Variants in ANKRD29 observed in about 807,000 individuals in gnomAD.
ANKRD29 encodes ankyrin repeat domain-containing protein 29.
In ANKRD29, 32 loss-of-function variants were observed where a neutral mutation model predicts 38.0. The observed-to-expected ratio is 0.84, with a 90% CI of 0.64 to 1.13. The LOEUF (loss-of-function observed/expected upper bound fraction) is 1.13. ANKRD29 is among the 50% of genes most tolerant of loss of function. The pLI is 0.00. For synonymous variants in ANKRD29, 135 were observed against 152.4 expected (o/e 0.89, Z 0.84); for missense variants, 357 against 377.9 (o/e 0.94, Z 0.46).
rs2060130357 is a variant in ANKRD29 at position 23,645,713 on chromosome 18, C to G, written c.231+476G>C. Among the ~76,000 whole-genome samples the G allele has an allele frequency of 2.6e-5, 4 of 152,198 alleles. No individual in the cohort carries two copies. The South Asian group carries it at 8.3e-4, about 32-fold the overall frequency. ...TTTTGTCCAGTGTTGACCCATACGGCTTTTTCCAGGAGAGCTTATTTAATT... is the reference window on the plus strand; with the variant it reads ...TTTTGTCCAGTGTTGACCCATACGGGTTTTTCCAGGAGAGCTTATTTAATT... On this transcript the variant is annotated intron_variant, in intron 3 of 9. Transcript: ENST00000592179.
intron 2 of ANKRD29, chr18:23,646,876 G>A (rs1267064552): frequency 1.3e-5 from 2 of 152,532 alleles, no homozygotes; most frequent in African/African-American, 4.8e-5. Context: ...GGTTGGATGG[G>A]ATGATCACCA....
At chr18:23,606,924 G>C (rs981074424) in intron 9 of ANKRD29, among the ~76,000 whole-genome samples, 6 of 152,196 alleles carry the variant, frequency 3.9e-5, no homozygotes, top group Non-Finnish European at 8.8e-5. Context: ...GCGGCAGGCA[G>C]TATCGGGGAT....
At position 23,621,441 on chromosome 18, in the gene ANKRD29, G is replaced by C. The variant is rs549680429; in HGVS notation, c.529-1812C>G. Among the ~76,000 whole-genome samples, 685 of 151,096 alleles carry C rather than the reference G, an allele frequency of 4.5e-3. 8 individuals are homozygous for C. The highest frequency in any genetic ancestry group is 0.016 in the African/African-American group (665 of 41,436). On this transcript the variant is annotated intron_variant, in intron 6 of 9. Transcript: ENST00000592179. ...GCTGAAGAGCAGTCACAGGATGTTG[G>C]GACCTGTCTTGGGAGAGACAGTGGA...
chr18:23,631,528 G>A (rs1285362982), intron 5 of ANKRD29, among the ~76,000 whole-genome samples: 1 of 152,068 alleles, frequency 6.6e-6, no homozygotes, highest in Non-Finnish European at 1.5e-5. Flanking sequence ...TTACAGGCAT[G>A]AGCCACCATA....
chr18:23,655,045 T>A (rs571016539), intron 1 of ANKRD29, among the ~76,000 whole-genome samples: 23 of 152,338 alleles, frequency 1.5e-4, no homozygotes, highest in African/African-American at 4.8e-4. Context: ...TAGTGATGGA[T>A]TGCAAAGCTA....
chr18:23,640,642 A>G (rs1228087435), intron 3 of ANKRD29, among the ~76,000 whole-genome samples: 4 of 152,206 alleles, frequency 2.6e-5, no homozygotes, highest in Non-Finnish European at 4.4e-5. Flanking sequence ...AGTTTTTAGC[A>G]TCCTCCCTTC....
At chr18:23,662,673 C>G in intron 1 of ANKRD29, 37 bp downstream of exon 1, 1 of 1,432,884 alleles carries the variant, frequency 7.0e-7, no homozygotes, top group Non-Finnish European at 9.1e-7. Flanking sequence ...CGCCCGAGCC[C>G]GGCCCCAGCC....
chr18:23,656,100 A>G (rs976086202), intron 1 of ANKRD29, among the ~76,000 whole-genome samples: 1 of 151,614 alleles, frequency 6.6e-6, no homozygotes, highest in Admixed American at 6.6e-5. Context: ...CTCAAAAAAA[A>G]AAAAAAAAAA....
chr18:23,623,728 C>T (rs934731568), intron 6 of ANKRD29, among the ~76,000 whole-genome samples: 24 of 151,952 alleles, frequency 1.6e-4, no homozygotes, highest in African/African-American at 3.1e-4. Flanking sequence ...CTGCAAGCTC[C>T]GCCTCCCGGG....
chr18:23,662,845 C>T lies in ANKRD29; in HGVS notation c.-115G>A. 1 of 974,690 alleles carries T rather than the reference C, an allele frequency of 1.0e-6. No individual in the cohort carries two copies. The highest frequency in any genetic ancestry group is 4.8e-5 in the South Asian group (1 of 20,654). The allele number at this position is 974,690 out of a possible 1,614,324, so 60.4% of individuals were successfully genotyped here. ...TTCCGCAGAGGGGCGGCCTCCGACGCCGCGCGCTCCCGCCGCCCGGCCCGG... is the reference window on the plus strand; with the variant it reads ...TTCCGCAGAGGGGCGGCCTCCGACGTCGCGCGCTCCCGCCGCCCGGCCCGG... On this transcript the variant is annotated 5_prime_UTR_variant, in exon 1 of 10. Coordinates refer to ENST00000592179, the MANE Select transcript of ANKRD29 (RefSeq NM_173505.4).
At chr18:23,622,563 C>T (rs2059809825) in intron 6 of ANKRD29, among the ~76,000 whole-genome samples, 1 of 152,130 alleles carries the variant, frequency 6.6e-6, no homozygotes, top group African/African-American at 2.4e-5. Context: ...AATTATCTAT[C>T]TATCTACCTA....
intron 9 of ANKRD29, among the ~76,000 whole-genome samples, chr18:23,607,925 G>A (rs555825703): frequency 1.3e-5 from 2 of 152,330 alleles, no homozygotes; most frequent in Admixed American, 1.3e-4. Flanking sequence ...TGGCTATAGT[G>A]TGAGGAATGG....
chr18:23,630,019 C>T lies in ANKRD29; in HGVS notation c.430-68G>A, dbSNP rs147958291. The stretch of plus-strand genomic sequence containing the variant: ...ACACTTATTTTAAAAGAAATTAGGG[C>T]GGGTGCAGTGGCTCATGCCTGTAAT... On this transcript the variant is annotated intron_variant, in intron 5 of 9. Transcript: ENST00000592179. 3,377 of 1,379,692 alleles carry T rather than the reference C, an allele frequency of 2.4e-3. 77 individuals are homozygous for T. In the African/African-American group the frequency reaches 0.042, roughly 17 times the overall value. The allele number at this position is 1,379,692 out of a possible 1,614,324, so 85.5% of individuals were successfully genotyped here.
At chr18:23,611,993 ATG>A in intron 9 of ANKRD29, 97 bp downstream of exon 9, 1 of 1,074,422 alleles carries the variant, frequency 9.3e-7, no homozygotes, top group Non-Finnish European at 1.4e-6. Flanking sequence ...TATGCAAAGA[ATG>A]AAGATGGTGA....
intron 8 of ANKRD29, among the ~76,000 whole-genome samples, chr18:23,616,033 C>T (rs2059710533): frequency 1.3e-5 from 2 of 148,214 alleles, no homozygotes; most frequent in Non-Finnish European, 3.0e-5. Context: ...CTACACATAC[C>T]GTATGTATGT....
chr18:23,603,387 C>T (rs2059536931), intron 9 of ANKRD29, among the ~76,000 whole-genome samples: 2 of 152,144 alleles, frequency 1.3e-5, no homozygotes, highest in African/African-American at 4.8e-5. Context: ...AATCCCAGCA[C>T]TTTGGGAGGC....
chr18:23,633,662 C>A (rs1026403181), intron 5 of ANKRD29, among the ~76,000 whole-genome samples: 2 of 152,076 alleles, frequency 1.3e-5, no homozygotes, highest in Admixed American at 6.5e-5. Flanking sequence ...CCTTCACCTC[C>A]TGGGTTCAAG....
intron 1 of ANKRD29, among the ~76,000 whole-genome samples, chr18:23,655,384 C>A (rs2060265826): frequency 6.6e-6 from 1 of 152,204 alleles, no homozygotes; most frequent in African/African-American, 2.4e-5. Context: ...CCACTCCAAC[C>A]TGGCTGGGGT....
intron 6 of ANKRD29, among the ~76,000 whole-genome samples, chr18:23,628,833 CAAAAA>C (rs60035025): frequency 1.9e-4 from 25 of 129,018 alleles, no homozygotes; most frequent in East Asian, 2.5e-4. Flanking sequence ...GACGCTGTCT[CAAAAA>C]AAAAAAAAAA....
Sources: allele counts gnomAD v4.1 joint callset (sites outside exome capture counted in the v4.1 genomes callset), GRCh38; gene constraint gnomAD v4.1.1; transcripts MANE v1.5; gene names NCBI Gene and HGNC (gene_info 2026-07-23, HGNC 2026-07-21).